The following RSPO3 variants were observed in gnomAD, a reference collection of about 807,000 sequenced individuals.
RSPO3 encodes the protein R-spondin 3.
RSPO3 carries 17 observed loss-of-function variants against 36.5 expected under a neutral mutation model. The ratio of observed to expected loss-of-function variants is 0.47; its 90% CI spans 0.32 to 0.70. The LOEUF (loss-of-function observed/expected upper bound fraction) is 0.70. RSPO3 is among the 30% of genes least tolerant of loss of function. RSPO3 has a pLI of 0.04. For missense variants in RSPO3, 294 were observed against 322.5 expected, an observed-to-expected ratio of 0.91 and a Z score of 0.68; for synonymous variants, 108 against 107.0, an observed-to-expected ratio of 1.01 and a Z score of -0.06.
chr6:127,186,160 T>C (rs1284957862), intron 4 of RSPO3, among the ~76,000 whole-genome samples: 1 of 152,170 alleles, frequency 6.6e-6, no homozygotes, highest in Non-Finnish European at 1.5e-5. Flanking sequence ...TGGAAAGTTA[T>C]ATTCCATCAA....
intron 1 of RSPO3, among the ~76,000 whole-genome samples, chr6:127,126,776 G>T (rs886516003): frequency 4.0e-5 from 6 of 151,598 alleles, no homozygotes; most frequent in Non-Finnish European, 8.8e-5. Context: ...GATAAAACTT[G>T]AAAGAATCCA....
chr6:127,157,514 G>T (rs1400877171), intron 4 of RSPO3, among the ~76,000 whole-genome samples: 2 of 151,968 alleles, frequency 1.3e-5, no homozygotes, highest in Non-Finnish European at 2.9e-5. Flanking sequence ...AACATCACAA[G>T]AAGTTTGAAA....
chr6:127,123,677 G>A (rs1233507433), intron 1 of RSPO3, among the ~76,000 whole-genome samples: 2 of 152,040 alleles, frequency 1.3e-5, no homozygotes, highest in Non-Finnish European at 2.9e-5. Flanking sequence ...AGTTACTCAA[G>A]TAATGAGAAT....
intron 4 of RSPO3, among the ~76,000 whole-genome samples, chr6:127,166,494 T>C (rs1774823060): frequency 6.6e-6 from 1 of 151,984 alleles, no homozygotes; most frequent in African/African-American, 2.4e-5. Flanking sequence ...AGCAAATTCT[T>C]TAGCCTTTAC....
chr6:127,190,607 TAAAAA>T (rs940103215), intron 4 of RSPO3, among the ~76,000 whole-genome samples: 3 of 152,008 alleles, frequency 2.0e-5, no homozygotes, highest in African/African-American at 7.3e-5. Context: ...CCACACCAAA[TAAAAA>T]GAAAAGAAAA....
intron 3 of RSPO3, among the ~76,000 whole-genome samples, chr6:127,154,222 T>C (rs185626222): frequency 6.6e-6 from 1 of 152,302 alleles, no homozygotes; most frequent in East Asian, 1.9e-4. Flanking sequence ...GGGAGGTTAC[T>C]GGAAACTTCT....
In RSPO3 at chr6:127,144,927, G is replaced by C. The variant is rs565249132; in HGVS notation, c.98-3721G>C. ...GTGAGCCACCGTGCCAGGCCCAGTAGCTCCCATGGCTTTTCTAATTAAGTA... is the reference window on the plus strand; with the variant it reads ...GTGAGCCACCGTGCCAGGCCCAGTACCTCCCATGGCTTTTCTAATTAAGTA... On this transcript the variant is annotated intron_variant, in intron 1 of 4. Coordinates refer to ENST00000356698, the MANE Select transcript of RSPO3 (RefSeq NM_032784.5). 1.6e-4 allele frequency among the ~76,000 whole-genome samples: 24 copies of C among 152,010 alleles called. 1 individual carries two copies. Among genetic ancestry groups the C allele is most frequent in the African/African-American group, 5.3e-4 (22 of 41,476 alleles).
chr6:127,140,911 T>C (rs1408568724), intron 1 of RSPO3, among the ~76,000 whole-genome samples: 2 of 152,226 alleles, frequency 1.3e-5, no homozygotes. Context: ...GACTCCTCCT[T>C]ATTCTGCAGG....
In RSPO3 at chr6:127,169,543, C is replaced by T. The variant is rs79594909; in HGVS notation, c.634+14105C>T. Among the ~76,000 whole-genome samples the T allele has an allele frequency of 9.5e-3, 1,447 of 151,868 alleles. 6 individuals carry two copies. Among genetic ancestry groups the T allele is most frequent in the Non-Finnish European group, 0.016 (1,114 of 67,860 alleles). On this transcript the variant is annotated intron_variant, in intron 4 of 4. Coordinates refer to ENST00000356698, the MANE Select transcript of RSPO3 (RefSeq NM_032784.5). ...TTCCTCTTATGTAGGAATAACAAAA[C>T]ATAAAACATCAGAATAAGTCAAAAA...
intron 4 of RSPO3, among the ~76,000 whole-genome samples, chr6:127,162,018 C>A (rs188110713): frequency 1.4e-4 from 22 of 152,256 alleles, no homozygotes; most frequent in Admixed American, 1.2e-3. Context: ...CTTGGCTGGG[C>A]TCTGTCACAT....
chr6:127,170,513 T>G (rs939601556), intron 4 of RSPO3, among the ~76,000 whole-genome samples: 5 of 151,464 alleles, frequency 3.3e-5, no homozygotes, highest in African/African-American at 1.2e-4. Context: ...ATCCAGCAAT[T>G]TCATTTGAGC....
chr6:127,195,838 A>C lies in RSPO3; in HGVS notation c.650A>C (p.Glu217Ala). The C allele has an allele frequency of 6.5e-7, 1 of 1,544,102 alleles. No individual in the cohort carries two copies. Among genetic ancestry groups the C allele is most frequent in the East Asian group, 2.4e-5 (1 of 42,472 alleles). The change falls in exon 5 of 5, where the codon GAG (glutamate) becomes GCG (alanine). Residue 217 changes from glutamate (E) to alanine (A), a missense_variant. Coordinates refer to ENST00000356698, the MANE Select transcript of RSPO3 (RefSeq NM_032784.5). ...QKGERGKKGR[E>A]RKRKKPNKGE... is the part of the protein sequence containing the mutation. ...TTCATTTCAGGAAAAAAAGGAAGGG[A>C]GAGGAAAAGAAAAAAACCTAATAAA...
intron 4 of RSPO3, among the ~76,000 whole-genome samples, chr6:127,161,125 C>T (rs1393913263): frequency 6.6e-6 from 1 of 152,038 alleles, no homozygotes; most frequent in Non-Finnish European, 1.5e-5. Context: ...TAGGCCCCAC[C>T]TCTTATTGTT....
intron 1 of RSPO3, among the ~76,000 whole-genome samples, chr6:127,144,546 G>A (rs962618820): frequency 6.6e-6 from 1 of 150,602 alleles, no homozygotes; most frequent in Admixed American, 6.6e-5. Context: ...TCAAAGTATT[G>A]TTTAAAGCTG....
At chr6:127,122,746 G>T (rs1773869328) in intron 1 of RSPO3, among the ~76,000 whole-genome samples, 1 of 152,038 alleles carries the variant, frequency 6.6e-6, no homozygotes, top group African/African-American at 2.4e-5. Context: ...GGAAATTTTT[G>T]AACTCATTAT....
intron 1 of RSPO3, among the ~76,000 whole-genome samples, chr6:127,125,483 G>A (rs1462951007): frequency 6.6e-6 from 1 of 152,148 alleles, no homozygotes; most frequent in Non-Finnish European, 1.5e-5. Flanking sequence ...TCTGCAAAAT[G>A]AGGAGGTTGA....
chr6:127,150,602 G>C (rs1218153872), intron 3 of RSPO3, 30 bp downstream of exon 3: 8 of 1,591,486 alleles, frequency 5.0e-6, no homozygotes, highest in Non-Finnish European at 6.8e-6. Flanking sequence ...ATTTGAGTAA[G>C]TGATAATGTC....
Position 127,197,375 on chromosome 6 carries a change from T to C in RSPO3, c.*1368T>C. The C allele has an allele frequency of 3.2e-6, 5 of 1,547,906 alleles. No individual in the cohort carries two copies. The highest frequency in any genetic ancestry group is 4.4e-6 in the Non-Finnish European group (5 of 1,145,690). ...TTGTATGTCAGATCCCCCTGCATCT[T>C]CAACATTTAGTCTTTTCTTCTCCAT... On this transcript the variant is annotated 3_prime_UTR_variant, in exon 5 of 5. Transcript: ENST00000356698.
chr6:127,156,720 A>G (rs1774603641), intron 4 of RSPO3, among the ~76,000 whole-genome samples: 1 of 152,172 alleles, frequency 6.6e-6, no homozygotes, highest in Admixed American at 6.6e-5. Context: ...TCTATTGTGA[A>G]GGTACACCAG....
Sources: allele counts gnomAD v4.1 joint callset (sites outside exome capture counted in the v4.1 genomes callset), GRCh38; gene constraint gnomAD v4.1.1; transcripts MANE v1.5; gene names NCBI Gene and HGNC (gene_info 2026-07-23, HGNC 2026-07-21).